ZFHX3: variants seen among roughly 807,000 people sequenced by gnomAD.
The protein encoded by ZFHX3 is zinc finger homeobox protein 3.
ZFHX3 carries 42 observed loss-of-function variants against 279.1 expected under a neutral mutation model. That is an observed-to-expected ratio of 0.15 (90% confidence interval 0.12 to 0.19). The LOEUF (loss-of-function observed/expected upper bound fraction) is 0.19, where lower values mean the gene tolerates loss of function less well. ZFHX3 is among the 10% of genes least tolerant of loss of function. The pLI, the probability that ZFHX3 is intolerant of heterozygous loss-of-function variation, is 1.00. For missense variants in ZFHX3, 4,981 were observed against 4,754.0 expected (o/e 1.05, Z -1.40); for synonymous variants, 2,293 against 1,957.8 (o/e 1.17, Z -4.52).
chr16:73,032,672 T>TA (rs1290802875), intron 1 of ZFHX3, among the ~76,000 whole-genome samples: 6 of 146,090 alleles, frequency 4.1e-5, no homozygotes, highest in African/African-American at 1.5e-4. Context: ...GCTCAGCATT[T>TA]AAAAAAAGAA....
chr16:73,872,136 C>T (rs944261266), intron 1 of ZFHX3, among the ~76,000 whole-genome samples: 16 of 152,152 alleles, frequency 1.1e-4, no homozygotes, highest in South Asian at 4.1e-4. Flanking sequence ...ATAGGCATTC[C>T]GCAATTGGTT....
At chr16:73,131,653 C>T (rs1966684350) in intron 6 of ZFHX3, among the ~76,000 whole-genome samples, 1 of 152,154 alleles carries the variant, frequency 6.6e-6, no homozygotes, top group Non-Finnish European at 1.5e-5. Context: ...AGGAGCTTTG[C>T]CTTTACCTGA....
chr16:73,600,057 T>G (rs1456004787), intron 2 of ZFHX3, among the ~76,000 whole-genome samples: 1 of 152,220 alleles, frequency 6.6e-6, no homozygotes, highest in Non-Finnish European at 1.5e-5. Context: ...ATCTTATTTG[T>G]ACATGGCACC....
At chr16:72,963,064 C>G (rs1219689301) in intron 1 of ZFHX3, among the ~76,000 whole-genome samples, 4 of 152,136 alleles carry the variant, frequency 2.6e-5, no homozygotes, top group African/African-American at 9.7e-5. Context: ...GCAGGTCGAT[C>G]AGCACTCTGT....
At chr16:72,863,242 C>T (rs1277876358) in intron 4 of ZFHX3, among the ~76,000 whole-genome samples, 1 of 150,142 alleles carries the variant, frequency 6.7e-6, no homozygotes, top group Non-Finnish European at 1.5e-5. Context: ...GTGGCTCACA[C>T]CTGTAATCCC....
chr16:73,702,517 G>T (rs1411525204), intron 1 of ZFHX3, among the ~76,000 whole-genome samples: 1 of 152,150 alleles, frequency 6.6e-6, no homozygotes, highest in Non-Finnish European at 1.5e-5. Context: ...TACTCTTTAA[G>T]CCCAAATGAA....
At chr16:73,376,332 T>C (rs2143353807) in intron 3 of ZFHX3, among the ~76,000 whole-genome samples, 1 of 152,366 alleles carries the variant, frequency 6.6e-6, no homozygotes, top group Non-Finnish European at 1.5e-5. Context: ...CTTGTTACAA[T>C]TCTTTAACAT....
At chr16:73,840,766 T>C (rs965482453) in intron 1 of ZFHX3, among the ~76,000 whole-genome samples, 6 of 152,188 alleles carry the variant, frequency 3.9e-5, no homozygotes, top group Non-Finnish European at 8.8e-5. Flanking sequence ...ATACCACAAA[T>C]TGAAGTAAGC....
intron 4 of ZFHX3, among the ~76,000 whole-genome samples, chr16:73,280,077 A>G (rs964740988): frequency 2.0e-5 from 3 of 152,222 alleles, no homozygotes; most frequent in African/African-American, 7.2e-5. Context: ...ATGCAAAAGA[A>G]TGAAATTGGA....
intron 1 of ZFHX3, among the ~76,000 whole-genome samples, chr16:73,003,776 G>A (rs190600683): frequency 2.5e-4 from 38 of 152,028 alleles, no homozygotes; most frequent in Admixed American, 4.6e-4. Context: ...AGTGGCATAT[G>A]GTATGGTCAG....
At chr16:73,664,004 C>A (rs1461247149) in intron 2 of ZFHX3, among the ~76,000 whole-genome samples, 2 of 152,200 alleles carry the variant, frequency 1.3e-5, no homozygotes, top group African/African-American at 4.8e-5. Flanking sequence ...AGCAGAGTAA[C>A]TTCAGACTTT....
intron 5 of ZFHX3, among the ~76,000 whole-genome samples, chr16:73,167,349 G>A (rs1427529406): frequency 3.9e-5 from 6 of 152,180 alleles, no homozygotes; most frequent in African/African-American, 1.2e-4. Flanking sequence ...TAATCCATGT[G>A]CTTATGTCAA....
At chr16:73,026,270 G>A (rs1964496691) in intron 1 of ZFHX3, among the ~76,000 whole-genome samples, 1 of 151,252 alleles carries the variant, frequency 6.6e-6, no homozygotes, top group Admixed American at 6.6e-5. Context: ...TTGGGAGGGA[G>A]GCTGAGGCAG....
chr16:72,820,584 C>T (rs1392185241), intron 5 of ZFHX3, among the ~76,000 whole-genome samples: 1 of 152,170 alleles, frequency 6.6e-6, no homozygotes, highest in Non-Finnish European at 1.5e-5. Context: ...TGACCTGATT[C>T]CTGACTTTGA....
chr16:72,906,230 T>C (rs927752173), intron 3 of ZFHX3, among the ~76,000 whole-genome samples: 1 of 151,974 alleles, frequency 6.6e-6, no homozygotes, highest in African/African-American at 2.4e-5. Context: ...TTAAAACTTA[T>C]TTTTAAGTGG....
upstream of ZFHX3, among the ~76,000 whole-genome samples, chr16:73,052,184 T>C (rs971666614): frequency 3.3e-5 from 5 of 151,518 alleles, no homozygotes; most frequent in African/African-American, 7.3e-5. Flanking sequence ...AAATGGGCGA[T>C]GGGATACTGC....
intron 1 of ZFHX3, among the ~76,000 whole-genome samples, chr16:73,004,128 T>G (rs1268547741): frequency 6.8e-6 from 1 of 147,482 alleles, no homozygotes; most frequent in Non-Finnish European, 1.5e-5. Flanking sequence ...TTATTTTTGT[T>G]TACCACAATA....
chr16:73,518,599 A>AC (rs1463155260), intron 2 of ZFHX3, among the ~76,000 whole-genome samples: 3 of 152,308 alleles, frequency 2.0e-5, no homozygotes, highest in Admixed American at 2.0e-4. Flanking sequence ...ATATTTAACC[A>AC]CTATGCAGAC....
At chr16:73,566,079 G>T (rs113147656) in intron 2 of ZFHX3, among the ~76,000 whole-genome samples, 33 of 152,304 alleles carry the variant, frequency 2.2e-4, no homozygotes, top group African/African-American at 7.9e-4. Flanking sequence ...AGAAACACTA[G>T]CCTGAGGCTC....
Sources: gnomAD v4.1 joint callset for allele counts (sites outside exome capture counted in the v4.1 genomes callset) on GRCh38, gnomAD v4.1.1 for gene constraint, MANE v1.5 for transcripts, NCBI Gene and HGNC (gene_info 2026-07-23, HGNC 2026-07-21) for gene names.